Variants in GPHN observed in about 807,000 individuals in gnomAD.
GPHN encodes the protein gephyrin.
In GPHN, 17 loss-of-function variants were observed where a neutral mutation model predicts 95.5. The ratio of observed to expected loss-of-function variants is 0.18; its 90% confidence interval spans 0.12 to 0.27. The LOEUF is 0.27. Ranked by LOEUF, GPHN falls within the 10% of genes least tolerant of loss-of-function variation. The pLI is 1.00. For missense variants in GPHN, 660 were observed against 978.1 expected (o/e 0.67, Z 4.34); for synonymous variants, 320 against 322.5 (o/e 0.99, Z 0.08).
the GPHN span, among the ~76,000 whole-genome samples, chr14:67,699,459 G>A: frequency 6.6e-6 from 1 of 151,646 alleles, no homozygotes; most frequent in African/African-American, 2.4e-5. Context: ...GTGTACTGGT[G>A]TGTGCCTTTG....
chr14:67,455,627 T>C, the GPHN span, among the ~76,000 whole-genome samples: 1 of 152,250 alleles, frequency 6.6e-6, no homozygotes, highest in Admixed American at 6.5e-5. Context: ...TGCATGTTAA[T>C]CCTGAGACAC....
At chr14:66,851,151 A>G (rs1175304263) in intron 4 of GPHN, among the ~76,000 whole-genome samples, 1 of 151,350 alleles carries the variant, frequency 6.6e-6, no homozygotes. Flanking sequence ...CTTTTATTTA[A>G]TTTACAAAAA....
At chr14:67,144,270 T>TGTATATATAC (rs2080748530) in intron 18 of GPHN, among the ~76,000 whole-genome samples, 1 of 114,142 alleles carries the variant, frequency 8.8e-6, no homozygotes, top group Non-Finnish European at 1.7e-5. Flanking sequence ...TATATATATA[T>TGTATATATAC]ATATATATAT....
the GPHN span, among the ~76,000 whole-genome samples, chr14:67,493,134 A>C: frequency 2.0e-5 from 3 of 152,236 alleles, no homozygotes; most frequent in Non-Finnish European, 4.4e-5. Context: ...GGAGAAAGTT[A>C]GACAAGTTTG....
At chr14:67,145,120 A>G (rs938164237) in intron 18 of GPHN, among the ~76,000 whole-genome samples, 2 of 152,204 alleles carry the variant, frequency 1.3e-5, no homozygotes, top group African/African-American at 4.8e-5. Flanking sequence ...GGTACTCTCA[A>G]TATTACAAGA....
At chr14:66,914,218 A>G (rs559155742) in intron 5 of GPHN, among the ~76,000 whole-genome samples, 1 of 152,158 alleles carries the variant, frequency 6.6e-6, no homozygotes, top group Non-Finnish European at 1.5e-5. Flanking sequence ...AGAGCAAGTG[A>G]AGTATTATTG....
chr14:67,089,148 T>TTTTTTTTTTTTTTTTTTTTTTG, intron 12 of GPHN, 73 bp downstream of exon 12: 1 of 521,298 alleles, frequency 1.9e-6, no homozygotes, highest in Non-Finnish European at 3.5e-6. Context: ...TTTTTTTTTT[T>TTTTTTTTTTTTTTTTTTTTTTG]TTTTTTTTTT....
intron 8 of GPHN, among the ~76,000 whole-genome samples, chr14:66,932,457 T>TGTTTTG (rs915901188): frequency 8.1e-6 from 1 of 124,208 alleles, no homozygotes. Flanking sequence ...TTTTTTTTTT[T>TGTTTTG]TTTTTTTTTT....
intron 1 of GPHN, among the ~76,000 whole-genome samples, chr14:66,547,691 C>G (rs749669253): frequency 1.7e-4 from 26 of 152,140 alleles, no homozygotes; most frequent in Non-Finnish European, 2.9e-4. Context: ...TTCGTCTTAA[C>G]AGACAAATTT....
At chr14:66,861,111 A>G (rs889129600) in intron 4 of GPHN, among the ~76,000 whole-genome samples, 6 of 152,128 alleles carry the variant, frequency 3.9e-5, no homozygotes, top group African/African-American at 1.4e-4. Flanking sequence ...TGAAAAAACA[A>G]GACTCAATGT....
the GPHN span, among the ~76,000 whole-genome samples, chr14:67,192,362 TTTTG>T: frequency 6.6e-6 from 1 of 151,426 alleles, no homozygotes; most frequent in Non-Finnish European, 1.5e-5. Context: ...CAACAAGTAG[TTTTG>T]TTTGTTTCTT....
intron 18 of GPHN, among the ~76,000 whole-genome samples, chr14:67,148,310 A>C (rs911889710): frequency 3.3e-5 from 5 of 152,166 alleles, no homozygotes; most frequent in Admixed American, 2.0e-4. Context: ...AGAAAGAAGC[A>C]CATCAAAACT....
the GPHN span, among the ~76,000 whole-genome samples, chr14:67,687,525 G>A: frequency 2.1e-4 from 31 of 145,846 alleles, 1 homozygote; most frequent in African/African-American, 7.9e-4. Flanking sequence ...AGGCTGGGGT[G>A]CAATGGTATG....
the GPHN span, chr14:67,692,880 C>T: frequency 1.6e-6 from 2 of 1,215,796 alleles, no homozygotes; most frequent in African/African-American, 3.0e-5. Flanking sequence ...ATCATCATTA[C>T]TGTGAGGGGT....
chr14:67,058,986 C>A (rs2075717671), intron 11 of GPHN, 200 bp downstream of exon 11: 14 of 448,418 alleles, frequency 3.1e-5, no homozygotes, highest in South Asian at 1.9e-4. Context: ...GAGTAAAATC[C>A]ATGAAACTGC....
intron 4 of GPHN, among the ~76,000 whole-genome samples, chr14:66,837,686 C>A (rs1419544791): frequency 6.6e-6 from 1 of 150,528 alleles, no homozygotes; most frequent in Non-Finnish European, 1.5e-5. Context: ...GGGTCCTATT[C>A]CACACAGTAG....
At chr14:67,689,410 A>G in the GPHN span, among the ~76,000 whole-genome samples, 3 of 152,298 alleles carry the variant, frequency 2.0e-5, no homozygotes, top group African/African-American at 7.2e-5. Context: ...TTGTGACTGG[A>G]AATTCCCCTT....
At position 67,110,137 on chromosome 14, in the gene GPHN, C is replaced by T. The variant is rs755892197; in HGVS notation, c.1294-3C>T. ...CAACTGTCTTTTTCATCTTTATTTC[C>T]AGCCAACTCAGACAGTAATGCCAGG... is the stretch of plus-strand genomic sequence containing the variant. On this transcript the variant is annotated splice_polypyrimidine_tract_variant and splice_region_variant and intron_variant, in intron 13 of 22. Transcript: ENST00000478722. 6.2e-7 allele frequency: 1 copy of T among 1,612,852 alleles called. No homozygotes were observed. The highest frequency in any genetic ancestry group is 2.2e-5 in the East Asian group (1 of 44,870).
At chr14:67,675,050 C>G in the GPHN span, among the ~76,000 whole-genome samples, 1 of 152,228 alleles carries the variant, frequency 6.6e-6, no homozygotes, top group African/African-American at 2.4e-5. Context: ...TAGACGTCGT[C>G]CTCACTGTCA....
Sources: allele counts gnomAD v4.1 joint callset (sites outside exome capture counted in the v4.1 genomes callset), GRCh38; gene constraint gnomAD v4.1.1; transcripts MANE v1.5; gene names NCBI Gene and HGNC (gene_info 2026-07-23, HGNC 2026-07-21).